Variants in EVC2 observed in about 807,000 individuals in gnomAD.
EVC2 encodes limbin.
A neutral mutation model predicts 149.3 loss-of-function variants in EVC2; 148 were observed. The observed-to-expected ratio is 0.99, with a 90% CI of 0.87 to 1.14. EVC2 has a LOEUF of 1.14. EVC2 is among the 50% of genes most tolerant of loss of function. The probability of loss-of-function intolerance (pLI) is 0.00; values close to 1 mark genes in which losing one functional copy is unlikely to be tolerated. For synonymous variants in EVC2, 776 were observed against 649.9 expected, an observed-to-expected ratio of 1.19 and a Z score of -2.95; for missense variants, 1,854 against 1,627.3, an observed-to-expected ratio of 1.14 and a Z score of -2.40.
intron 3 of EVC2, among the ~76,000 whole-genome samples, chr4:5,693,707 G>C (rs28593465): frequency 0.34 from 52,231 of 152,116 alleles, 9,384 homozygotes; most frequent in Non-Finnish European, 0.39. Context: ...GCCCAAAAAA[G>C]GGCTCTTGGC....
chr4:5,658,503 T>G (rs1014509167), intron 9 of EVC2, among the ~76,000 whole-genome samples: 1 of 152,230 alleles, frequency 6.6e-6, no homozygotes, highest in Non-Finnish European at 1.5e-5. Context: ...GAACACTTAC[T>G]TTGTACAAAC....
chr4:5,663,347 C>T (rs942132801), intron 8 of EVC2, 101 bp from the exon 9 acceptor site: 38 of 1,489,100 alleles, frequency 2.6e-5, no homozygotes, highest in Middle Eastern at 2.0e-4. Flanking sequence ...AGTCTGAGCA[C>T]CCAATCAGCC....
At chr4:5,593,951 T>G (rs984037720) in intron 16 of EVC2, among the ~76,000 whole-genome samples, 1 of 152,188 alleles carries the variant, frequency 6.6e-6, no homozygotes, top group Non-Finnish European at 1.5e-5. Flanking sequence ...CCTACACCCA[T>G]GGAGTCTCGC....
intron 1 of EVC2, among the ~76,000 whole-genome samples, chr4:5,699,415 C>G (rs1353623292): frequency 6.6e-6 from 1 of 152,104 alleles, no homozygotes; most frequent in African/African-American, 2.4e-5. Context: ...AGTAAAGCAG[C>G]ATGATTCAGA....
At chr4:5,579,162 G>A (rs1486636070) in intron 17 of EVC2, among the ~76,000 whole-genome samples, 5 of 152,114 alleles carry the variant, frequency 3.3e-5, no homozygotes, top group African/African-American at 7.2e-5. Context: ...CACCGTGCAG[G>A]GGGGTAACTA....
intron 16 of EVC2, among the ~76,000 whole-genome samples, chr4:5,596,054 C>G (rs999797635): frequency 2.6e-5 from 4 of 152,194 alleles, no homozygotes; most frequent in African/African-American, 9.6e-5. Context: ...TACTGGAGCA[C>G]CCAGATTCAT....
intron 16 of EVC2, among the ~76,000 whole-genome samples, chr4:5,585,184 G>A (rs1209523590): frequency 6.6e-6 from 1 of 152,036 alleles, no homozygotes; most frequent in Non-Finnish European, 1.5e-5. Context: ...GGGATCCAAG[G>A]AGCTCCCCAC....
At position 5,625,366 on chromosome 4, in the gene EVC2, C is replaced by T. The variant is rs1716031528; in HGVS notation, c.2046+383G>A. 6.6e-6 allele frequency among the ~76,000 whole-genome samples: 1 copy of T among 151,634 alleles called. No individual in the cohort carries two copies. The highest frequency in any genetic ancestry group is 6.6e-5 in the Admixed American group (1 of 15,200). ...CACACACAAACCCAGTGGTATCTCC[C>T]TCATAGGGTTAATATACAGATTAAA... On this transcript the variant is annotated intron_variant, in intron 13 of 21. Transcript: ENST00000344408. The surrounding 1 kb of genome is among the most constrained non-coding windows in gnomAD (Gnocchi z 4.0).
Position 5,618,353 on chromosome 4 carries a change from A to G in EVC2, c.2706+125T>C. 9.4e-7 allele frequency: 1 copy of G among 1,061,818 alleles called. No individual in the cohort carries two copies. Among genetic ancestry groups the G allele is most frequent in the Non-Finnish European group, 1.4e-6 (1 of 700,216 alleles). The allele number at this position is 1,061,818 out of a possible 1,614,324, so 65.8% of individuals were successfully genotyped here. A position where few individuals can be genotyped will look rare whatever the true frequency, so the allele number is the denominator to read the frequency against. The stretch of plus-strand genomic sequence containing the variant: ...AATAGCTGGACACCAATGCAGCCAG[A>G]GAGGAGAGGATAGGGGAGCATGAGG... On this transcript the variant is annotated intron_variant, in intron 15 of 21. Coordinates refer to ENST00000344408, the MANE Select transcript of EVC2 (RefSeq NM_147127.5). The surrounding 1 kb of genome is among the most constrained non-coding windows in gnomAD (Gnocchi z 4.4).
intron 4 of EVC2, among the ~76,000 whole-genome samples, chr4:5,690,941 A>G (rs1721080791): frequency 6.6e-6 from 1 of 152,216 alleles, no homozygotes; most frequent in South Asian, 2.1e-4. Context: ...TTAAAGACCT[A>G]AAAAACATTA....
intron 16 of EVC2, among the ~76,000 whole-genome samples, chr4:5,612,707 G>A (rs1714928259): frequency 6.6e-6 from 1 of 152,068 alleles, no homozygotes; most frequent in East Asian, 1.9e-4. Context: ...CGGATCACGA[G>A]GTCAGGAGAT....
intron 1 of EVC2, among the ~76,000 whole-genome samples, chr4:5,706,618 G>A (rs1294568633): frequency 1.3e-5 from 2 of 152,166 alleles, no homozygotes; most frequent in South Asian, 2.1e-4. Flanking sequence ...AGAAGAGGAA[G>A]CAGAGACCCT....
chr4:5,535,153 A>T, the EVC2 span, among the ~76,000 whole-genome samples: 8 of 152,270 alleles, frequency 5.3e-5, no homozygotes, highest in African/African-American at 1.7e-4. This position sits in a 1 kb window ranked among gnomAD's most constrained non-coding sequence, Gnocchi z 4.7. Flanking sequence ...ACCTGCAGTG[A>T]GGACCGCCCA....
At chr4:5,531,435 G>C in the EVC2 span, among the ~76,000 whole-genome samples, 1 of 152,160 alleles carries the variant, frequency 6.6e-6, no homozygotes, top group Non-Finnish European at 1.5e-5. Flanking sequence ...CCGGCCTATG[G>C]CCTGTTAGGA....
At chr4:5,683,289 T>G (rs145101697) in intron 6 of EVC2, among the ~76,000 whole-genome samples, 20 of 152,336 alleles carry the variant, frequency 1.3e-4, no homozygotes, top group African/African-American at 4.8e-4. Flanking sequence ...AGCCTGAGGC[T>G]AAGTTCAGAG....
At chr4:5,556,941 T>C (rs1721851133) in intron 21 of EVC2, among the ~76,000 whole-genome samples, 1 of 152,100 alleles carries the variant, frequency 6.6e-6, no homozygotes, top group Admixed American at 6.5e-5. Context: ...ATTGGTACCC[T>C]TCCAAGAAAA....
intron 1 of EVC2, among the ~76,000 whole-genome samples, chr4:5,697,954 T>C (rs1055751283): frequency 6.6e-6 from 1 of 151,948 alleles, no homozygotes; most frequent in African/African-American, 2.4e-5. Context: ...GGTTTCACCA[T>C]ATTAGTCAGG....
intron 16 of EVC2, among the ~76,000 whole-genome samples, chr4:5,593,467 G>C (rs758785873): frequency 6.6e-6 from 1 of 152,120 alleles, no homozygotes; most frequent in South Asian, 2.1e-4. Flanking sequence ...CCACAGATTC[G>C]TACAGATTTG....
chr4:5,643,835 C>T (rs1284842127), intron 9 of EVC2, among the ~76,000 whole-genome samples: 1 of 152,192 alleles, frequency 6.6e-6, no homozygotes, highest in Middle Eastern at 3.4e-3. Context: ...GCGGAGGTTG[C>T]AGTTGGCCAA....
Sources: allele counts gnomAD v4.1 joint callset (sites outside exome capture counted in the v4.1 genomes callset), GRCh38; gene constraint gnomAD v4.1.1; non-coding constraint Gnocchi (gnomAD v3.1); transcripts MANE v1.5; gene names NCBI Gene and HGNC (gene_info 2026-07-23, HGNC 2026-07-21).